Variants in TENM2 observed in about 807,000 individuals in gnomAD.
TENM2 encodes teneurin transmembrane protein 2, also known as teneurin-2.
In TENM2, 52 loss-of-function variants were observed where a neutral mutation model predicts 245.2. The observed-to-expected ratio is 0.21, with a 90% CI of 0.17 to 0.27. TENM2 has a LOEUF of 0.27. Among genes scored for constraint, TENM2 ranks in the 10% least tolerant of loss-of-function variants. The pLI, the probability that TENM2 is intolerant of heterozygous loss-of-function variation, is 1.00. For synonymous variants in TENM2, 1,363 were observed against 1,438.9 expected (o/e 0.95, Z 1.19); for missense variants, 3,046 against 3,666.8 (o/e 0.83, Z 4.37).
intron 2 of TENM2, among the ~76,000 whole-genome samples, chr5:167,589,339 A>G (rs1775723037): frequency 1.3e-5 from 2 of 152,210 alleles, no homozygotes; most frequent in South Asian, 2.1e-4. Flanking sequence ...TTATTTAACA[A>G]TAGTTGAATA....
chr5:167,037,540 G>C, the TENM2 span, among the ~76,000 whole-genome samples: 1 of 152,172 alleles, frequency 6.6e-6, no homozygotes, highest in African/African-American at 2.4e-5. Flanking sequence ...TGTTACTACA[G>C]AGAGAGTTAT....
At chr5:167,696,701 C>T (rs146375549) in intron 2 of TENM2, among the ~76,000 whole-genome samples, 277 of 152,282 alleles carry the variant, frequency 1.8e-3, no homozygotes, top group African/African-American at 6.3e-3. Flanking sequence ...GCTCTTTGAT[C>T]TCAAATGTCT....
chr5:168,226,321 C>T, intron 24 of TENM2, 58 bp downstream of exon 26: 2 of 1,519,492 alleles, frequency 1.3e-6, no homozygotes, highest in Non-Finnish European at 1.8e-6. Context: ...CAGAACCCAG[C>T]CAAGCCCAAC....
At chr5:167,248,628 G>C in the TENM2 span, among the ~76,000 whole-genome samples, 4 of 151,806 alleles carry the variant, frequency 2.6e-5, no homozygotes, top group Non-Finnish European at 5.9e-5. Context: ...AATTGATGCT[G>C]TGTGTGTGTG....
the TENM2 span, among the ~76,000 whole-genome samples, chr5:167,245,176 A>G: frequency 5.8e-4 from 88 of 152,274 alleles, 1 homozygote; most frequent in African/African-American, 2.1e-3. Flanking sequence ...AACAGGTTTT[A>G]AAATGCTAAT....
the TENM2 span, among the ~76,000 whole-genome samples, chr5:167,245,839 A>G: frequency 1.3e-5 from 2 of 152,176 alleles, no homozygotes; most frequent in African/African-American, 4.8e-5. Context: ...AACTGGAGGT[A>G]GAAACTGGCA....
chr5:167,420,169 G>A (rs892777036), intron 2 of TENM2, among the ~76,000 whole-genome samples: 4 of 152,196 alleles, frequency 2.6e-5, no homozygotes, highest in East Asian at 1.9e-4. Flanking sequence ...TGGAAAGCAC[G>A]TGTCCGTGAA....
At chr5:167,889,156 C>T (rs1774533085) in intron 3 of TENM2, among the ~76,000 whole-genome samples, 1 of 152,200 alleles carries the variant, frequency 6.6e-6, no homozygotes, top group Non-Finnish European at 1.5e-5. Flanking sequence ...CTTTTTAACA[C>T]TTCAGCAGAA....
rs140589429 is a variant in TENM2 at position 167,805,761 on chromosome 5, G to A, written c.503-70225G>A. ...GCCTATTTAATGAGGTGAGGTGGTG[G>A]GCATAGCATCCAGGAACTGGTTTTG... On this transcript the variant is annotated intron_variant, in intron 2 of 28. Coordinates refer to ENST00000518659, the Ensembl canonical transcript of TENM2. Among the ~76,000 whole-genome samples the A allele has an allele frequency of 5.0e-3, 765 of 152,128 alleles. 8 individuals are homozygous for A. Among genetic ancestry groups the A allele is most frequent in the African/African-American group, 0.018 (727 of 41,478 alleles).
At chr5:167,082,804 C>A in the TENM2 span, among the ~76,000 whole-genome samples, 1 of 152,026 alleles carries the variant, frequency 6.6e-6, no homozygotes, top group African/African-American at 2.4e-5. Flanking sequence ...TTTACAATTA[C>A]TTTCTATTTA....
chr5:167,124,509 A>G, the TENM2 span, among the ~76,000 whole-genome samples: 5 of 152,300 alleles, frequency 3.3e-5, no homozygotes, highest in East Asian at 9.7e-4. Flanking sequence ...CTTGCCTCCC[A>G]TGTAATATTC....
At chr5:168,243,654 T>C (rs899039733) in intron 25 of TENM2, among the ~76,000 whole-genome samples, 3 of 152,206 alleles carry the variant, frequency 2.0e-5, no homozygotes, top group African/African-American at 2.4e-5. Flanking sequence ...GTTCCAAGTG[T>C]GCAAATATGC....
chr5:167,281,195 G>A (rs1337113708), upstream of TENM2, among the ~76,000 whole-genome samples: 5 of 150,354 alleles, frequency 3.3e-5, no homozygotes, highest in South Asian at 4.2e-4. Flanking sequence ...TGCAACCTCC[G>A]CTTTCCGGGT....
At chr5:167,344,241 AAT>A (rs1316384974) in intron 1 of TENM2, among the ~76,000 whole-genome samples, 1 of 148,798 alleles carries the variant, frequency 6.7e-6, no homozygotes, top group African/African-American at 2.5e-5. Flanking sequence ...TTTTGGAGAT[AAT>A]ATATATAACA....
Position 167,285,069 on chromosome 5 carries a change from T to C in TENM2, c.226+6T>C. 1 of 1,548,568 alleles carries C rather than the reference T, an allele frequency of 6.5e-7. No homozygotes were observed. Among genetic ancestry groups the C allele is most frequent in the African/African-American group, 1.4e-5 (1 of 73,094 alleles). On this transcript the variant is annotated splice_donor_region_variant and intron_variant, in intron 1 of 28. Transcript: ENST00000518659. Reference sequence around the variant, plus strand: ...AGATGAGTTTCCTAGACAAGGTTTGTAGGGTTTCCCCTGCTGATTTGCTCT... The same window carrying C: ...AGATGAGTTTCCTAGACAAGGTTTGCAGGGTTTCCCCTGCTGATTTGCTCT...
intron 2 of TENM2, among the ~76,000 whole-genome samples, chr5:167,439,730 T>C (rs897582999): frequency 6.6e-6 from 1 of 152,210 alleles, no homozygotes; most frequent in South Asian, 2.1e-4. Flanking sequence ...ATTTACATTA[T>C]CCTTCTTCAT....
chr5:167,640,421 C>T lies in TENM2; in HGVS notation c.503-235565C>T, dbSNP rs559854030. Among the ~76,000 whole-genome samples the T allele has an allele frequency of 2.6e-5, 4 of 152,112 alleles. No homozygotes were observed. The East Asian group carries it at 7.8e-4, about 30-fold the overall frequency. On this transcript the variant is annotated intron_variant, in intron 2 of 28. Coordinates refer to ENST00000518659, the Ensembl canonical transcript of TENM2. ...TCACCTGAGGTCAGGAGTTCAAGAC[C>T]AGCCTGGCCAACATGGCAAAACCCT... is the stretch of plus-strand genomic sequence containing the variant.
chr5:167,515,670 T>TATATATGTATATATATAC (rs1562019105), intron 2 of TENM2, among the ~76,000 whole-genome samples: 3 of 32,866 alleles, frequency 9.1e-5, no homozygotes, highest in African/African-American at 2.3e-4. Flanking sequence ...CGTATATATG[T>TATATATGTATATATATAC]GTATATATAT....
intron 2 of TENM2, among the ~76,000 whole-genome samples, chr5:167,501,448 C>A (rs959301991): frequency 6.6e-6 from 1 of 152,134 alleles, no homozygotes; most frequent in African/African-American, 2.4e-5. Context: ...TTGAGTGACC[C>A]TTTCATGCTT....
Sources: allele counts gnomAD v4.1 joint callset (sites outside exome capture counted in the v4.1 genomes callset), GRCh38; gene constraint gnomAD v4.1.1; transcripts MANE v1.5; gene names NCBI Gene and HGNC (gene_info 2026-07-23, HGNC 2026-07-21).